The following ZHX3 variants were observed in gnomAD, a reference collection of about 807,000 sequenced individuals.
ZHX3 encodes the protein zinc fingers and homeoboxes protein 3.
A neutral mutation model predicts 64.5 loss-of-function variants in ZHX3; 20 were observed. The ratio of observed to expected loss-of-function variants is 0.31; its 90% CI spans 0.22 to 0.45. ZHX3 has a LOEUF of 0.45. Ranked by LOEUF, ZHX3 falls within the 20% of genes least tolerant of loss-of-function variation. The probability of loss-of-function intolerance (pLI) is 1.00; values close to 1 mark genes in which losing one functional copy is unlikely to be tolerated. For missense variants in ZHX3, 1,041 were observed against 1,195.8 expected, an observed-to-expected ratio of 0.87 and a Z score of 1.91; for synonymous variants, 423 against 461.6, an observed-to-expected ratio of 0.92 and a Z score of 1.07.
chr20:41,264,842 T>C (rs960610916), intron 2 of ZHX3, among the ~76,000 whole-genome samples: 4 of 152,110 alleles, frequency 2.6e-5, no homozygotes. Flanking sequence ...TTTATTTGTG[T>C]CAACAGAAAT....
At chr20:41,245,753 C>A (rs1051632751) in intron 2 of ZHX3, among the ~76,000 whole-genome samples, 6 of 152,154 alleles carry the variant, frequency 3.9e-5, no homozygotes, top group African/African-American at 1.4e-4. Flanking sequence ...TTCTTAAAAA[C>A]CTAGCAATTT....
chr20:41,298,002 T>A (rs1199375153), intron 1 of ZHX3, among the ~76,000 whole-genome samples: 1 of 152,198 alleles, frequency 6.6e-6, no homozygotes. Context: ...AAGGACAGCC[T>A]TAGCTGTCAG....
intron 1 of ZHX3, among the ~76,000 whole-genome samples, chr20:41,302,053 CAAAAAAAAAAAAAAAAAAA>C (rs555883542): frequency 2.6e-4 from 16 of 62,384 alleles, no homozygotes; most frequent in Non-Finnish European, 4.1e-4. Flanking sequence ...GACTCCATCT[CAAAAAAAAAAAAAAAAAAA>C]AAAAAAAAAA....
chr20:41,295,335 A>G (rs953989013), intron 1 of ZHX3, among the ~76,000 whole-genome samples: 1 of 152,216 alleles, frequency 6.6e-6, no homozygotes, highest in African/African-American at 2.4e-5. Flanking sequence ...TATTTAAGGT[A>G]AACTGAGAAA....
At chr20:41,256,177 G>A (rs759557299) in intron 2 of ZHX3, among the ~76,000 whole-genome samples, 13 of 152,180 alleles carry the variant, frequency 8.5e-5, no homozygotes, top group Non-Finnish European at 1.5e-4. Context: ...GCACCTTTGA[G>A]TGAGGTAGGT....
In ZHX3 at chr20:41,219,440, A is replaced by T. The variant is rs1419440308; in HGVS notation, c.-150-14374T>A. On this transcript the variant is annotated intron_variant, in intron 2 of 3. Coordinates refer to ENST00000683867, the MANE Select transcript of ZHX3 (RefSeq NM_001384317.1). The surrounding 1 kb of genome is among the most constrained non-coding windows in gnomAD (Gnocchi z 5.0). ...CATGAATTTTACCTTAAGTACCACT[A>T]CCAGGTGGTTAGGATGGCCTATACC... Among the ~76,000 whole-genome samples, 3 of 152,258 alleles carry T rather than the reference A, an allele frequency of 2.0e-5. No homozygotes were observed. Among genetic ancestry groups the T allele is most frequent in the Non-Finnish European group, 4.4e-5 (3 of 68,032 alleles).
At chr20:41,256,968 C>G (rs1322334871) in intron 2 of ZHX3, among the ~76,000 whole-genome samples, 1 of 152,060 alleles carries the variant, frequency 6.6e-6, no homozygotes, top group Non-Finnish European at 1.5e-5. Flanking sequence ...GCCTATTACT[C>G]CACTCTATAT....
intron 2 of ZHX3, among the ~76,000 whole-genome samples, chr20:41,252,559 T>G (rs959499593): frequency 5.9e-5 from 9 of 152,198 alleles, no homozygotes; most frequent in Admixed American, 2.0e-4. Context: ...TAAGTCTAAC[T>G]GTAACATGCC....
chr20:41,188,711 T>C (rs942326033), intron 3 of ZHX3, among the ~76,000 whole-genome samples: 1 of 152,224 alleles, frequency 6.6e-6, no homozygotes, highest in Non-Finnish European at 1.5e-5. Flanking sequence ...TTTTGCCCAC[T>C]TTTTAATATG....
rs763452683 is a variant in ZHX3, at chr20:41,204,855, T to G, written c.62A>C (p.Gln21Pro). 4.4e-6 allele frequency: 7 copies of G among 1,587,546 alleles called. No individual in the cohort carries two copies. The highest frequency in any genetic ancestry group is 6.0e-6 in the Non-Finnish European group (7 of 1,166,734). ...GGGCTGGGCCTCCATGCTGGCATCT[T>G]GCAACACCACAGTCTTCACTGGGAT... ...CMIPVKTVVLQDASMEAQPAE... is the reference protein window; with the variant it reads ...CMIPVKTVVLPDASMEAQPAE... The change falls in exon 3 of 4, where the codon CAA becomes CCA. Residue 21 changes from glutamine (Q) to proline (P), a missense_variant. Physicochemically the swap from Gln to Pro is moderately conservative, Grantham distance 76. Coordinates refer to ENST00000683867, the MANE Select transcript of ZHX3 (RefSeq NM_001384317.1). The surrounding 1 kb of genome is among the most constrained non-coding windows in gnomAD (Gnocchi z 6.6).
intron 2 of ZHX3, among the ~76,000 whole-genome samples, chr20:41,234,244 AC>A (rs1276102947): frequency 6.6e-6 from 1 of 152,180 alleles, no homozygotes; most frequent in Non-Finnish European, 1.5e-5. Flanking sequence ...CAAGAGTTCT[AC>A]CTTTTTATTA....
Position 41,203,169 on chromosome 20 carries a change from G to A in ZHX3, c.1748C>T (p.Pro583Leu). Residue 583 changes from proline (P) to leucine (L), a missense_variant, in exon 3 of 4, where the codon CCT becomes CTT. Pro to Leu is a moderately conservative substitution (Grantham distance 98, BLOSUM62 -3). Coordinates refer to ENST00000683867, the MANE Select transcript of ZHX3 (RefSeq NM_001384317.1). This position sits in a 1 kb window ranked among gnomAD's most constrained non-coding sequence, Gnocchi z 7.1. ...TGTTGTCGGAATGCAGGTTACCTCAGGGACCTTGGACGATGGGGAGAAGGA... is the reference window on the plus strand; with the variant it reads ...TGTTGTCGGAATGCAGGTTACCTCAAGGACCTTGGACGATGGGGAGAAGGA... ...EVSFSPSSKVPEVTCIPTTAT... is the reference protein window; with the variant it reads ...EVSFSPSSKVLEVTCIPTTAT... 6.2e-7 allele frequency: 1 copy of A among 1,614,102 alleles called. No individual in the cohort carries two copies. Among genetic ancestry groups the A allele is most frequent in the Non-Finnish European group, 8.5e-7 (1 of 1,180,010 alleles).
intron 2 of ZHX3, among the ~76,000 whole-genome samples, chr20:41,230,216 T>C (rs191024288): frequency 2.4e-4 from 36 of 152,304 alleles, no homozygotes; most frequent in African/African-American, 6.3e-4. Context: ...ACTGTTTCAA[T>C]GTGGCCCATA....
chr20:41,285,191 T>C (rs183943215), intron 1 of ZHX3, among the ~76,000 whole-genome samples: 3 of 152,236 alleles, frequency 2.0e-5, no homozygotes, highest in Non-Finnish European at 4.4e-5. Flanking sequence ...CACTAAACTG[T>C]AAATTACTTG....
At chr20:41,304,445 G>A (rs958751289) in intron 1 of ZHX3, among the ~76,000 whole-genome samples, 1 of 152,038 alleles carries the variant, frequency 6.6e-6, no homozygotes, top group African/African-American at 2.4e-5. Flanking sequence ...AACTCAACAT[G>A]GCTAAAACCA....
Position 41,203,594 on chromosome 20 carries a change from G to A in ZHX3, c.1323C>T (p.Ser441=). 6.2e-7 allele frequency: 1 copy of A among 1,614,212 alleles called. No individual in the cohort carries two copies. ...LMANGLQATS[S]PLPLTVTSVP... ...CGGATGTCACCGTGAGGGGGAGAGG[G>A]GAACTTGTTGCTTGCAACCCATTGG... The change falls in exon 3 of 4, where the codon TCC becomes TCT. Residue 441 remains serine, a synonymous_variant. Coordinates refer to ENST00000683867, the MANE Select transcript of ZHX3 (RefSeq NM_001384317.1). The surrounding 1 kb of genome is among the most constrained non-coding windows in gnomAD (Gnocchi z 7.1).
At chr20:41,316,473 A>G (rs1373399237) in intron 1 of ZHX3, among the ~76,000 whole-genome samples, 5 of 152,242 alleles carry the variant, frequency 3.3e-5, no homozygotes, top group Non-Finnish European at 7.3e-5. Context: ...TACCACAAAT[A>G]AAGAGCATTG....
chr20:41,234,921 G>C (rs923765401), intron 2 of ZHX3, among the ~76,000 whole-genome samples: 2 of 152,228 alleles, frequency 1.3e-5, no homozygotes, highest in Admixed American at 1.3e-4. Context: ...CTTTGGTTTT[G>C]TTTTGAACAA....
At chr20:41,240,421 G>A (rs1300915898) in intron 2 of ZHX3, among the ~76,000 whole-genome samples, 3 of 152,058 alleles carry the variant, frequency 2.0e-5, no homozygotes, top group Non-Finnish European at 4.4e-5. Flanking sequence ...TAGGTACATG[G>A]TAGGTATATA....
Sources: allele counts gnomAD v4.1 joint callset (sites outside exome capture counted in the v4.1 genomes callset), GRCh38; gene constraint gnomAD v4.1.1; non-coding constraint Gnocchi (gnomAD v3.1); transcripts MANE v1.5; gene names NCBI Gene and HGNC (gene_info 2026-07-23, HGNC 2026-07-21).